The following VEPH1 variants were observed in gnomAD, a reference collection of about 807,000 sequenced individuals.
VEPH1 encodes the protein ventricular zone-expressed PH domain-containing protein homolog 1.
A neutral mutation model predicts 85.2 loss-of-function variants in VEPH1; 80 were observed. The observed-to-expected ratio is 0.94, with a 90% confidence interval of 0.78 to 1.13. The LOEUF (loss-of-function observed/expected upper bound fraction) is 1.13, where lower values mean the gene tolerates loss of function less well. Among genes scored for constraint, VEPH1 ranks in the 50% most tolerant of loss-of-function variants. The pLI is 0.00. For synonymous variants in VEPH1, 297 were observed against 348.0 expected (o/e 0.85, Z 1.63); for missense variants, 955 against 980.5 (o/e 0.97, Z 0.35).
intron 4 of VEPH1, among the ~76,000 whole-genome samples, chr3:157,452,036 T>C (rs1735008550): frequency 6.6e-6 from 1 of 152,166 alleles, no homozygotes; most frequent in Non-Finnish European, 1.5e-5. Context: ...ATTTGGAGAT[T>C]TCAAATATAA....
chr3:157,301,466 C>G (rs541657373), intron 11 of VEPH1, among the ~76,000 whole-genome samples: 1 of 152,188 alleles, frequency 6.6e-6, no homozygotes, highest in Non-Finnish European at 1.5e-5. Flanking sequence ...TCCATTTTCA[C>G]TCATCTCTAC....
intron 4 of VEPH1, chr3:157,442,277 A>C (rs1734183706): frequency 2.5e-6 from 3 of 1,222,932 alleles, no homozygotes; most frequent in Non-Finnish European, 1.1e-6. Flanking sequence ...GTAATAATTA[A>C]AATTCTTATG....
intron 1 of VEPH1, among the ~76,000 whole-genome samples, chr3:157,497,997 C>T (rs565937630): frequency 5.9e-5 from 9 of 152,180 alleles, no homozygotes; most frequent in Middle Eastern, 3.4e-3. Context: ...TGGGAGTGAC[C>T]AAGAGAAAAA....
intron 8 of VEPH1, 80 bp downstream of exon 8, chr3:157,364,223 A>G: frequency 9.0e-7 from 1 of 1,106,708 alleles, no homozygotes; most frequent in Non-Finnish European, 1.3e-6. Context: ...TATATAAAAA[A>G]CACCCCATAA....
chr3:157,281,758 G>A (rs758783946), intron 12 of VEPH1, among the ~76,000 whole-genome samples: 3 of 152,048 alleles, frequency 2.0e-5, no homozygotes, highest in South Asian at 2.1e-4. Context: ...GGATGGTCTC[G>A]ATTTCCTGAC....
intron 4 of VEPH1, among the ~76,000 whole-genome samples, chr3:157,454,557 C>T (rs1197019662): frequency 6.6e-6 from 1 of 152,102 alleles, no homozygotes; most frequent in East Asian, 1.9e-4. Context: ...AATAGTTGAG[C>T]CCAGGGGAAG....
intron 12 of VEPH1, among the ~76,000 whole-genome samples, chr3:157,279,978 T>C (rs189137438): frequency 1.2e-4 from 16 of 137,270 alleles, no homozygotes; most frequent in African/African-American, 4.4e-4. Context: ...ACTGTGCCAC[T>C]GCACTCCAGC....
intron 9 of VEPH1, among the ~76,000 whole-genome samples, chr3:157,325,421 A>G (rs1721790263): frequency 6.6e-6 from 1 of 152,266 alleles, no homozygotes; most frequent in East Asian, 1.9e-4. Context: ...GCCTGTGCCT[A>G]TGTCCTGAAT....
rs751456807 is a variant in VEPH1, at chr3:157,265,650, T to A, written c.2141A>T (p.Asp714Val). ...TTTTCCTTCTATGAGAGGCTGGCCA[T>A]CTTGATTTACAACTGTTGAAGGTAG... ...NPEKATVVNQ[D>V]GQPLIEGKLK... The change falls in exon 13 of 14, where the codon GAT becomes GTT. Residue 714 changes from aspartate to valine, a missense_variant. Physicochemically the swap from Asp to Val is radical, Grantham distance 152. Coordinates refer to ENST00000362010, the MANE Select transcript of VEPH1 (RefSeq NM_001167912.2). 4 of 1,613,230 alleles carry A rather than the reference T, an allele frequency of 2.5e-6. No individual in the cohort carries two copies. The Admixed American group carries it at 5.0e-5, about 20-fold the overall frequency.
chr3:157,353,995 C>T (rs781168974), intron 9 of VEPH1, among the ~76,000 whole-genome samples: 10 of 152,206 alleles, frequency 6.6e-5, no homozygotes, highest in South Asian at 2.1e-4. Context: ...ACTACAATAA[C>T]GGACGCAGGT....
intron 7 of VEPH1, among the ~76,000 whole-genome samples, chr3:157,368,707 G>A (rs759599310): frequency 6.6e-6 from 1 of 151,996 alleles, no homozygotes; most frequent in Admixed American, 6.6e-5. Flanking sequence ...TAGCCAGGAT[G>A]GTCTCAATCT....
chr3:157,391,367 G>C (rs960308361), intron 6 of VEPH1, among the ~76,000 whole-genome samples: 1 of 152,222 alleles, frequency 6.6e-6, no homozygotes, highest in Non-Finnish European at 1.5e-5. Context: ...AGCTGAGGGA[G>C]AGCAGTTTGT....
At chr3:157,303,315 G>A (rs1209925309) in intron 11 of VEPH1, among the ~76,000 whole-genome samples, 1 of 152,178 alleles carries the variant, frequency 6.6e-6, no homozygotes, top group Non-Finnish European at 1.5e-5. Context: ...GTGTGGAATT[G>A]TGTATTTGTT....
chr3:157,261,014 A>G lies in VEPH1; in HGVS notation c.*120T>C. On this transcript the variant is annotated 3_prime_UTR_variant, in exon 14 of 14. Transcript: ENST00000362010. Reference sequence around the variant, plus strand: ...TAGGCCCTTCTTCTTAAAGGACAACAATTCCATTGGTATTTAGTAAAAAAC... The same window carrying G: ...TAGGCCCTTCTTCTTAAAGGACAACGATTCCATTGGTATTTAGTAAAAAAC... 7.2e-7 allele frequency: 1 copy of G among 1,386,852 alleles called. No individual in the cohort carries two copies. Among genetic ancestry groups the G allele is most frequent in the Non-Finnish European group, 9.8e-7 (1 of 1,020,628 alleles). 85.9% of individuals were successfully genotyped at this position (1,386,852 alleles called of 1,614,324 possible).
chr3:157,459,816 A>G (rs2109357695), intron 4 of VEPH1: 1 of 1,494,646 alleles, frequency 6.7e-7, no homozygotes, highest in East Asian at 2.5e-5. Flanking sequence ...AAATGAAGAC[A>G]GGTTTTTCAT....
intron 6 of VEPH1, among the ~76,000 whole-genome samples, chr3:157,396,497 G>C (rs1456454447): frequency 1.3e-5 from 2 of 152,112 alleles, no homozygotes; most frequent in African/African-American, 4.8e-5. Flanking sequence ...CTGCCTCCTA[G>C]GTCTGTAAGG....
At chr3:157,405,044 C>T (rs1050099255) in intron 6 of VEPH1, among the ~76,000 whole-genome samples, 1 of 152,140 alleles carries the variant, frequency 6.6e-6, no homozygotes, top group African/African-American at 2.4e-5. Context: ...ACTTCCCTCA[C>T]AGACACCAGT....
intron 9 of VEPH1, among the ~76,000 whole-genome samples, chr3:157,358,824 C>T (rs750049032): frequency 3.3e-5 from 5 of 152,088 alleles, no homozygotes; most frequent in East Asian, 1.9e-4. Context: ...GGTGAAACCC[C>T]GTCCCTACTA....
In VEPH1 at chr3:157,438,020, AGC is replaced by A. The variant is rs113324549; in HGVS notation, c.530-9534_530-9533del. ...CCTTCTAGGGGAAGCTTTCATGGGAAGCGCGCGCGCGCGCGCGCACACACACA... is the reference window on the plus strand; with the variant it reads ...CCTTCTAGGGGAAGCTTTCATGGGAAGCGCGCGCGCGCGCGCACACACACA... On this transcript the variant is annotated intron_variant, in intron 4 of 13. Transcript: ENST00000362010. 5,987 of 829,452 alleles carry A rather than the reference AGC, an allele frequency of 7.2e-3. 53 individuals carry two copies. The highest frequency in any genetic ancestry group is 0.032 in the African/African-American group (1,538 of 48,514). The allele number at this position is 829,452 out of a possible 1,614,324, so 51.4% of individuals were successfully genotyped here.
Sources: gnomAD v4.1 joint callset for allele counts (sites outside exome capture counted in the v4.1 genomes callset) on GRCh38, gnomAD v4.1.1 for gene constraint, MANE v1.5 for transcripts, NCBI Gene and HGNC (gene_info 2026-07-23, HGNC 2026-07-21) for gene names.